PTPRM: variants seen among roughly 807,000 people sequenced by gnomAD.
PTPRM encodes protein tyrosine phosphatase receptor type M.
In PTPRM, 47 loss-of-function variants were observed where a neutral mutation model predicts 186.7. The observed-to-expected ratio is 0.25, with a 90% CI of 0.20 to 0.32. The LOEUF is 0.32. PTPRM is among the 10% of genes least tolerant of loss of function. PTPRM has a pLI of 1.00. For missense variants in PTPRM, 1,494 were observed against 1,865.0 expected (o/e 0.80, Z 3.66); for synonymous variants, 668 against 674.9 (o/e 0.99, Z 0.16).
intron 20 of PTPRM, among the ~76,000 whole-genome samples, chr18:8,301,150 G>A (rs2095153096): frequency 6.6e-6 from 1 of 152,188 alleles, no homozygotes; most frequent in East Asian, 1.9e-4. Flanking sequence ...TCTTGTTAGT[G>A]CTTTTCAAAG....
intron 19 of PTPRM, among the ~76,000 whole-genome samples, chr18:8,256,273 C>G (rs2094573884): frequency 6.6e-6 from 1 of 152,112 alleles, no homozygotes; most frequent in African/African-American, 2.4e-5. Flanking sequence ...CAGGCTCTGG[C>G]ACCCGACTGC....
chr18:7,742,592 G>A lies in PTPRM; in HGVS notation c.74-31557G>A, dbSNP rs1472013317. On this transcript the variant is annotated intron_variant, in intron 1 of 32. Transcript: ENST00000580170. ...AGTGGTTCACTCTTGTAATCCCAGC[G>A]CTTTGGCAGGCTGAGGTGGGAGGAT... Among the ~76,000 whole-genome samples, 11 of 152,272 alleles carry A rather than the reference G, an allele frequency of 7.2e-5. No individual in the cohort carries two copies. In the South Asian group the frequency reaches 1.9e-3, roughly 26 times the overall value.
At chr18:7,988,983 C>T (rs1215466237) in intron 7 of PTPRM, among the ~76,000 whole-genome samples, 1 of 152,128 alleles carries the variant, frequency 6.6e-6, no homozygotes, top group African/African-American at 2.4e-5. Flanking sequence ...GGAAAATCAT[C>T]TATAGAGCAA....
chr18:8,247,920 G>C lies in PTPRM; in HGVS notation c.2527+1G>C, dbSNP rs958050988. 1.3e-6 allele frequency: 2 copies of C among 1,581,270 alleles called. No individual in the cohort carries two copies. Among genetic ancestry groups the C allele is most frequent in the Non-Finnish European group, 1.7e-6 (2 of 1,150,082 alleles). On this transcript the variant is annotated splice_donor_variant, in intron 16 of 32. Transcript: ENST00000580170. LOFTEE classifies it high-confidence loss of function. The stretch of plus-strand genomic sequence containing the variant: ...TCGGTGCCTAATTCCTATTACCCAG[G>C]TAACAGTTTTTTCCATTGTCTCCTC...
At position 8,171,285 on chromosome 18, in the gene PTPRM, A is replaced by G. The variant is rs535924730; in HGVS notation, c.2300+27506A>G. Among the ~76,000 whole-genome samples, 7 of 152,316 alleles carry G rather than the reference A, an allele frequency of 4.6e-5. No individual in the cohort carries two copies. In the South Asian group the frequency reaches 8.3e-4, roughly 18 times the overall value. On this transcript the variant is annotated intron_variant, in intron 14 of 32. Transcript: ENST00000580170. ...ATGTGCAGAAATTCTACAGCTATAA[A>G]TGTCTCAGCAGCAAATGGGCTGTGT... is the stretch of plus-strand genomic sequence containing the variant.
chr18:8,128,632 G>C (rs1347110367), intron 13 of PTPRM, among the ~76,000 whole-genome samples: 3 of 152,046 alleles, frequency 2.0e-5, no homozygotes, highest in Admixed American at 6.6e-5. Context: ...AAACAGTATA[G>C]TTACAAGAAA....
At chr18:7,753,421 A>G (rs2041319177) in intron 1 of PTPRM, among the ~76,000 whole-genome samples, 1 of 152,170 alleles carries the variant, frequency 6.6e-6, no homozygotes, top group Admixed American at 6.5e-5. Context: ...AAGCAGACAC[A>G]TCTTGATTTG....
At chr18:8,000,711 T>C (rs2083818242) in intron 7 of PTPRM, among the ~76,000 whole-genome samples, 1 of 152,220 alleles carries the variant, frequency 6.6e-6, no homozygotes. Flanking sequence ...TTACACCTTA[T>C]GGTGACCGCC....
intron 31 of PTPRM, among the ~76,000 whole-genome samples, chr18:8,390,542 CGAA>C (rs2095804320): frequency 6.6e-6 from 1 of 152,128 alleles, no homozygotes; most frequent in African/African-American, 2.4e-5. Context: ...GCCACAATGT[CGAA>C]GAACTGCTGT....
chr18:8,078,713 C>T (rs182050051), intron 9 of PTPRM, among the ~76,000 whole-genome samples: 3 of 152,250 alleles, frequency 2.0e-5, no homozygotes, highest in Admixed American at 1.3e-4. Flanking sequence ...TTCTGCAGAC[C>T]GTACAAGCAT....
intron 5 of PTPRM, among the ~76,000 whole-genome samples, chr18:7,942,350 C>T (rs1432731337): frequency 2.0e-5 from 3 of 151,844 alleles, no homozygotes; most frequent in South Asian, 2.1e-4. Flanking sequence ...AATGAAGACC[C>T]GAATACTCAG....
chr18:7,913,440 T>G (rs1322782913), intron 4 of PTPRM, among the ~76,000 whole-genome samples: 1 of 152,238 alleles, frequency 6.6e-6, no homozygotes, highest in East Asian at 1.9e-4. Flanking sequence ...GCTTTCAGTC[T>G]TTTAGCATGA....
intron 1 of PTPRM, among the ~76,000 whole-genome samples, chr18:7,705,986 A>C (rs2040079326): frequency 6.8e-6 from 1 of 147,814 alleles, no homozygotes; most frequent in African/African-American, 2.4e-5. Flanking sequence ...TACCATATAT[A>C]AATTTATATA....
intron 2 of PTPRM, among the ~76,000 whole-genome samples, chr18:7,841,638 A>C (rs2046331735): frequency 6.6e-6 from 1 of 152,136 alleles, no homozygotes; most frequent in African/African-American, 2.4e-5. Context: ...TTGATTATTC[A>C]GAGAGTATGT....
chr18:7,810,386 A>C (rs2044447979), intron 2 of PTPRM, among the ~76,000 whole-genome samples: 1 of 152,236 alleles, frequency 6.6e-6, no homozygotes, highest in Non-Finnish European at 1.5e-5. Flanking sequence ...GCTCATTATG[A>C]ATAGCCTGGG....
chr18:8,353,252 G>T (rs766699518), intron 23 of PTPRM, among the ~76,000 whole-genome samples: 1 of 152,182 alleles, frequency 6.6e-6, no homozygotes, highest in Non-Finnish European at 1.5e-5. Context: ...ATGAGGATTT[G>T]AAATGTGTTT....
chr18:7,661,787 A>G (rs2038986367), intron 1 of PTPRM, among the ~76,000 whole-genome samples: 1 of 152,212 alleles, frequency 6.6e-6, no homozygotes, highest in South Asian at 2.1e-4. Flanking sequence ...TTGGGTAAGT[A>G]TTGAATGGCA....
chr18:8,273,361 G>A (rs113659115), intron 19 of PTPRM, among the ~76,000 whole-genome samples: 6 of 152,230 alleles, frequency 3.9e-5, no homozygotes, highest in Non-Finnish European at 8.8e-5. Flanking sequence ...CTCTAGTCTT[G>A]ATCTTTATGT....
chr18:8,273,802 A>C (rs367744757), intron 19 of PTPRM, among the ~76,000 whole-genome samples: 28 of 152,356 alleles, frequency 1.8e-4, no homozygotes, highest in African/African-American at 6.5e-4. Flanking sequence ...AGCAGAAAGG[A>C]GGAGAAAATG....
Sources: allele counts gnomAD v4.1 joint callset (sites outside exome capture counted in the v4.1 genomes callset), GRCh38; gene constraint gnomAD v4.1.1; transcripts MANE v1.5; gene names NCBI Gene and HGNC (gene_info 2026-07-23, HGNC 2026-07-21).